Variants in ARHGAP42 observed in about 807,000 individuals in gnomAD.
The protein encoded by ARHGAP42 is rho GTPase-activating protein 42.
ARHGAP42 carries 63 observed loss-of-function variants against 125.0 expected under a neutral mutation model. The ratio of observed to expected loss-of-function variants is 0.50; its 90% confidence interval spans 0.41 to 0.62. ARHGAP42 has a LOEUF of 0.62. Ranked by LOEUF, ARHGAP42 falls within the 20% of genes least tolerant of loss-of-function variation. The pLI is 0.00. For synonymous variants in ARHGAP42, 339 were observed against 351.0 expected, an observed-to-expected ratio of 0.97 and a Z score of 0.38; for missense variants, 766 against 1,024.2, an observed-to-expected ratio of 0.75 and a Z score of 3.44.
intron 3 of ARHGAP42, among the ~76,000 whole-genome samples, chr11:100,836,737 T>TG (rs1864796748): frequency 6.7e-6 from 1 of 149,346 alleles, no homozygotes; most frequent in African/African-American, 2.4e-5. Flanking sequence ...TTTCTTTTTT[T>TG]TTTTTTTGGT....
intron 1 of ARHGAP42, among the ~76,000 whole-genome samples, chr11:100,716,400 C>G (rs1861661320): frequency 6.6e-6 from 1 of 152,144 alleles, no homozygotes; most frequent in African/African-American, 2.4e-5. Context: ...AACAAAACAA[C>G]CAGTGGATTC....
intron 1 of ARHGAP42, among the ~76,000 whole-genome samples, chr11:100,688,542 C>T (rs746603340): frequency 3.3e-5 from 5 of 152,088 alleles, no homozygotes; most frequent in Non-Finnish European, 7.4e-5. Context: ...TCTTCCACCT[C>T]CTTTCCCATA....
intron 1 of ARHGAP42, among the ~76,000 whole-genome samples, chr11:100,731,324 AATTTTTAT>A (rs1861953860): frequency 6.6e-6 from 1 of 151,916 alleles, no homozygotes; most frequent in Admixed American, 6.6e-5. Flanking sequence ...ATGCCCGGCT[AATTTTTAT>A]ATTTTTAGTA....
At chr11:100,964,414 T>C (rs1304657119) in intron 16 of ARHGAP42, among the ~76,000 whole-genome samples, 2 of 152,210 alleles carry the variant, frequency 1.3e-5, no homozygotes, top group South Asian at 4.1e-4. Context: ...TTTTCACATA[T>C]GCGGAAAGAT....
At chr11:100,771,809 G>T in intron 2 of ARHGAP42, among the ~76,000 whole-genome samples, 1 of 151,986 alleles carries the variant, frequency 6.6e-6, no homozygotes, top group Non-Finnish European at 1.5e-5. Context: ...CACTATGTTG[G>T]CCAGGTGGTC....
intron 1 of ARHGAP42, among the ~76,000 whole-genome samples, chr11:100,698,354 C>T (rs1439158449): frequency 6.6e-6 from 1 of 152,124 alleles, no homozygotes; most frequent in Non-Finnish European, 1.5e-5. Flanking sequence ...ACCTGTAGTC[C>T]CAGCTACTCG....
chr11:100,921,662 A>C, intron 6 of ARHGAP42, 58 bp downstream of exon 6: 1 of 1,057,766 alleles, frequency 9.5e-7, no homozygotes, highest in Non-Finnish European at 1.4e-6. Context: ...GAAAAAAAGT[A>C]CACTGTTTTT....
At chr11:100,877,672 T>G (rs1032448589) in intron 4 of ARHGAP42, among the ~76,000 whole-genome samples, 1 of 152,146 alleles carries the variant, frequency 6.6e-6, no homozygotes, top group African/African-American at 2.4e-5. Flanking sequence ...TGTGTGAACT[T>G]GATGACTTCA....
chr11:100,849,386 T>C (rs1019852077), intron 3 of ARHGAP42, among the ~76,000 whole-genome samples: 5 of 152,150 alleles, frequency 3.3e-5, no homozygotes, highest in Admixed American at 3.3e-4. Context: ...AGTTATAACA[T>C]ATGGAACTTA....
chr11:100,745,688 T>C (rs2120351809), intron 1 of ARHGAP42, among the ~76,000 whole-genome samples: 1 of 152,316 alleles, frequency 6.6e-6, no homozygotes, highest in East Asian at 1.9e-4. Context: ...GTTTTAATTA[T>C]GACACAAACT....
At chr11:100,697,446 T>C (rs917263591) in intron 1 of ARHGAP42, among the ~76,000 whole-genome samples, 1 of 152,160 alleles carries the variant, frequency 6.6e-6, no homozygotes, top group African/African-American at 2.4e-5. Context: ...CCTCCCAAAG[T>C]GCTGGGATTA....
chr11:100,895,493 C>CCTTTTTT (rs1565263603), intron 4 of ARHGAP42, among the ~76,000 whole-genome samples: 5 of 123,484 alleles, frequency 4.0e-5, no homozygotes, highest in Non-Finnish European at 5.1e-5. Flanking sequence ...AAAAGAGCAA[C>CCTTTTTT]TTTTTTTTTT....
At chr11:100,843,998 CTA>C (rs1230113337) in intron 3 of ARHGAP42, among the ~76,000 whole-genome samples, 1 of 152,078 alleles carries the variant, frequency 6.6e-6, no homozygotes, top group Non-Finnish European at 1.5e-5. Flanking sequence ...CAAAGCAAGA[CTA>C]AGCAAAAATA....
chr11:100,976,788 GC>G (rs1858404015), intron 20 of ARHGAP42, 26 bp from the exon 21 acceptor site: 2 of 1,548,368 alleles, frequency 1.3e-6, no homozygotes, highest in African/African-American at 1.4e-5. Flanking sequence ...ATAGCACCTT[GC>G]CTATTTTCTT....
In ARHGAP42 at chr11:100,974,548, T is replaced by C. The variant is rs1386461941; in HGVS notation, c.1800T>C (p.Ser600=). 1 of 1,551,102 alleles carries C rather than the reference T, an allele frequency of 6.4e-7. No individual in the cohort carries two copies. The highest frequency in any genetic ancestry group is 1.2e-5 in the South Asian group (1 of 84,034). ...GSRRTRAICL[S]TGSRKPRGRY... Reference sequence around the variant, plus strand: ...GAAGGACACGAGCAATCTGCCTCTCTACAGGGTCTAGGAAGCCCAGAGGGA... The same window carrying C: ...GAAGGACACGAGCAATCTGCCTCTCCACAGGGTCTAGGAAGCCCAGAGGGA... The change falls in exon 19 of 24, where the codon TCT becomes TCC. Residue 600 remains serine (S), a synonymous_variant. Coordinates refer to ENST00000298815, the MANE Select transcript of ARHGAP42 (RefSeq NM_152432.4).
At chr11:100,692,005 TA>T (rs943431056) in intron 1 of ARHGAP42, among the ~76,000 whole-genome samples, 2 of 143,816 alleles carry the variant, frequency 1.4e-5, no homozygotes, top group African/African-American at 5.1e-5. Context: ...CAATAAAAAA[TA>T]AAAAAAGAAA....
rs1038345325 is a variant in ARHGAP42, at chr11:100,990,800, T to C, written c.*1999T>C. On this transcript the variant is annotated 3_prime_UTR_variant, in exon 24 of 24. Coordinates refer to ENST00000298815, the MANE Select transcript of ARHGAP42 (RefSeq NM_152432.4). ...GCCATCATCTGGTATCCTGCTAGACTAGAATCTCTTAAAAGCAAATTGGTT... is the reference window on the plus strand; with the variant it reads ...GCCATCATCTGGTATCCTGCTAGACCAGAATCTCTTAAAAGCAAATTGGTT... 10 of 152,556 alleles carry C rather than the reference T, an allele frequency of 6.6e-5. No homozygotes were observed. The highest frequency in any genetic ancestry group is 2.4e-4 in the African/African-American group (10 of 41,470). The allele number at this position is 152,556 out of a possible 1,614,324, so 9.5% of individuals were successfully genotyped here.
intron 19 of ARHGAP42, among the ~76,000 whole-genome samples, chr11:100,975,205 C>A (rs1398410932): frequency 6.6e-6 from 1 of 151,882 alleles, no homozygotes; most frequent in Non-Finnish European, 1.5e-5. Flanking sequence ...TTTAAAATAA[C>A]TAAAAGAATG....
chr11:100,975,737 A>C (rs565766588), intron 19 of ARHGAP42, among the ~76,000 whole-genome samples: 1 of 152,214 alleles, frequency 6.6e-6, no homozygotes. Flanking sequence ...CCTGTTTCAT[A>C]AACAAATTTT....
Sources: allele counts gnomAD v4.1 joint callset (sites outside exome capture counted in the v4.1 genomes callset), GRCh38; gene constraint gnomAD v4.1.1; transcripts MANE v1.5; gene names NCBI Gene and HGNC (gene_info 2026-07-23, HGNC 2026-07-21).